Variants in SLC66A2 observed in about 807,000 individuals in gnomAD.
The protein encoded by SLC66A2 is PQ loop repeat containing 1.
SLC66A2 carries 23 observed loss-of-function variants against 25.5 expected under a neutral mutation model. That is an observed-to-expected ratio of 0.90 (90% CI 0.65 to 1.28). SLC66A2 has a LOEUF of 1.28. SLC66A2 is among the 50% of genes most tolerant of loss of function. The probability of loss-of-function intolerance (pLI) is 0.00; values close to 1 mark genes in which losing one functional copy is unlikely to be tolerated. For synonymous variants in SLC66A2, 193 were observed against 166.5 expected (o/e 1.16, Z -1.23); for missense variants, 396 against 373.1 (o/e 1.06, Z -0.51).
chr18:79,915,533 C>G (rs1983878884), intron 5 of SLC66A2: 1 of 152,272 alleles, frequency 6.6e-6, no homozygotes, highest in African/African-American at 2.4e-5. Flanking sequence ...GCAGAGACTG[C>G]TCCATCTCCC....
chr18:79,913,607 G>A (rs578091563), intron 5 of SLC66A2, among the ~76,000 whole-genome samples: 17 of 152,334 alleles, frequency 1.1e-4, no homozygotes, highest in African/African-American at 3.6e-4. Flanking sequence ...GTGCATGCGC[G>A]CACGCGCGCA....
chr18:79,911,232 T>C (rs1796431413), intron 5 of SLC66A2, among the ~76,000 whole-genome samples: 2 of 152,242 alleles, frequency 1.3e-5, no homozygotes, highest in Admixed American at 1.3e-4. Flanking sequence ...TGGTTAGCCC[T>C]GAGGGGCCAG....
At chr18:79,908,072 A>G (rs751692789) in intron 5 of SLC66A2, among the ~76,000 whole-genome samples, 17 of 152,192 alleles carry the variant, frequency 1.1e-4, no homozygotes, top group Non-Finnish European at 1.6e-4. Context: ...CCCACCAGAC[A>G]ATGTTATATT....
At chr18:79,922,683 C>T (rs955732599) in intron 4 of SLC66A2, among the ~76,000 whole-genome samples, 5 of 151,814 alleles carry the variant, frequency 3.3e-5, no homozygotes, top group South Asian at 2.1e-4. Context: ...AAAAGGTGAA[C>T]GGAGACAAAC....
At chr18:79,948,003 A>AGAAG in intron 2 of SLC66A2, among the ~76,000 whole-genome samples, 1 of 151,598 alleles carries the variant, frequency 6.6e-6, no homozygotes, top group African/African-American at 2.4e-5. Context: ...CCCAGCAGGA[A>AGAAG]CGAGCGCCCT....
rs566674335 is a variant in SLC66A2 at position 79,927,831 on chromosome 18, C to T, written c.391+6138G>A. Among the ~76,000 whole-genome samples, 15 of 152,344 alleles carry T rather than the reference C, an allele frequency of 9.8e-5. 1 individual carries two copies. The South Asian group carries it at 3.1e-3, about 32-fold the overall frequency. ...CCGAGACAGGTGTCCGCGTCCCAAC[C>T]CAAGGCTGCCCAGACAGACAAGCGC... On this transcript the variant is annotated intron_variant, in intron 4 of 5. Transcript: ENST00000397778. This position sits in a 1 kb window ranked among gnomAD's most constrained non-coding sequence, Gnocchi z 6.2.
At chr18:79,928,372 G>A (rs779775442) in intron 4 of SLC66A2, among the ~76,000 whole-genome samples, 24 of 152,310 alleles carry the variant, frequency 1.6e-4, no homozygotes, top group African/African-American at 3.8e-4. Context: ...ACTCAAGAGC[G>A]TTGCTCTGCC....
In SLC66A2 at chr18:79,915,824, C is replaced by T. The variant is rs529678430; in HGVS notation, c.608+3360G>A. The T allele has an allele frequency of 1.2e-4, 18 of 152,630 alleles. No individual in the cohort carries two copies. In the South Asian group the frequency reaches 2.4e-3, roughly 21 times the overall value. 9.5% of individuals were successfully genotyped at this position (152,630 alleles called of 1,614,324 possible). A position where few individuals can be genotyped will look rare whatever the true frequency, so the allele number is the denominator to read the frequency against. On this transcript the variant is annotated intron_variant, in intron 5 of 5. Coordinates refer to ENST00000397778, the MANE Select transcript of SLC66A2 (RefSeq NM_025078.5). ...GATCCCTGAGACACGTTCCAAGTTC[C>T]GCAGCCAAGGAGAAGTATGCAGGCA...
chr18:79,949,817 C>T (rs2051057043), intron 2 of SLC66A2: 1 of 152,240 alleles, frequency 6.6e-6, no homozygotes, highest in African/African-American at 2.4e-5. Flanking sequence ...CAGACACCTT[C>T]CAATCTGCCC....
intron 4 of SLC66A2, among the ~76,000 whole-genome samples, chr18:79,925,610 C>T (rs1019686697): frequency 1.3e-5 from 2 of 152,244 alleles, no homozygotes; most frequent in Non-Finnish European, 2.9e-5. Flanking sequence ...TTCCAGCACC[C>T]CCCATGGGGA....
At chr18:79,916,528 G>A (rs114364296) in intron 5 of SLC66A2, among the ~76,000 whole-genome samples, 200 of 152,302 alleles carry the variant, frequency 1.3e-3, no homozygotes, top group African/African-American at 4.7e-3. Context: ...GGTTCACGTC[G>A]CACCCTTAGG....
intron 3 of SLC66A2, among the ~76,000 whole-genome samples, chr18:79,938,102 C>G (rs555149146): frequency 2.0e-5 from 3 of 149,616 alleles, no homozygotes; most frequent in Non-Finnish European, 4.4e-5. Context: ...GCTTTGATAA[C>G]ACCACTGCAC....
chr18:79,951,130 G>A (rs952998522), intron 1 of SLC66A2, 105 bp from the exon 2 acceptor site: 3 of 268,656 alleles, frequency 1.1e-5, no homozygotes, highest in Non-Finnish European at 1.4e-5. Context: ...GCAGAGCGGG[G>A]GCGACCGGGG....
intron 5 of SLC66A2, among the ~76,000 whole-genome samples, chr18:79,912,770 T>C (rs1983432247): frequency 6.6e-6 from 1 of 152,216 alleles, no homozygotes; most frequent in Non-Finnish European, 1.5e-5. Flanking sequence ...GGTCACACTT[T>C]GTAATGTTCC....
chr18:79,930,613 A>C (rs1055060389), intron 4 of SLC66A2, among the ~76,000 whole-genome samples: 10 of 152,338 alleles, frequency 6.6e-5, no homozygotes, highest in African/African-American at 2.2e-4. Flanking sequence ...GCATGAAACA[A>C]TATGCATTGT....
Position 79,949,091 on chromosome 18 carries a change from G to A in SLC66A2, c.203+1633C>T, listed in dbSNP as rs33999965. Reference sequence around the variant, plus strand: ...GGACTCGGACCCAAAATCCTCCTCCGAGGTCGTTGCAGGGGACAAACCTCC... The same window carrying A: ...GGACTCGGACCCAAAATCCTCCTCCAAGGTCGTTGCAGGGGACAAACCTCC... On this transcript the variant is annotated intron_variant, in intron 2 of 5. Transcript: ENST00000397778. Among the ~76,000 whole-genome samples the A allele has an allele frequency of 4.1e-3, 631 of 152,228 alleles. 24 individuals carry two copies. Among genetic ancestry groups the A allele is most frequent in the Admixed American group, 0.038 (575 of 15,284 alleles).
chr18:79,926,233 T>C (rs1985933720), intron 4 of SLC66A2, among the ~76,000 whole-genome samples: 1 of 152,218 alleles, frequency 6.6e-6, no homozygotes, highest in Admixed American at 6.5e-5. Flanking sequence ...GAAGTAGCCA[T>C]TCTCTTATTC....
intron 5 of SLC66A2, chr18:79,916,092 GCTCTCATACCCGCAGTGCTCCCGT>G: frequency 5.3e-6 from 1 of 188,346 alleles, no homozygotes; most frequent in African/African-American, 2.8e-5. Flanking sequence ...TACCCACGGT[GCTCTCATACCCGCAGTGCTCCCGT>G]ACCCTCCCAT....
Position 79,903,947 on chromosome 18 carries a change from G to A in SLC66A2, c.*29C>T. The A allele has an allele frequency of 6.4e-7, 1 of 1,567,434 alleles. No homozygotes were observed. Among genetic ancestry groups the A allele is most frequent in the Non-Finnish European group, 8.6e-7 (1 of 1,159,006 alleles). ...CAGGGCCCACCAGTGCCCGCGGCTG[G>A]CGGTCCCACATCCTCGTCCTCCCCA... On this transcript the variant is annotated 3_prime_UTR_variant, in exon 6 of 6. Transcript: ENST00000397778.
Sources: allele counts gnomAD v4.1 joint callset (sites outside exome capture counted in the v4.1 genomes callset), GRCh38; gene constraint gnomAD v4.1.1; non-coding constraint Gnocchi (gnomAD v3.1); transcripts MANE v1.5; gene names NCBI Gene and HGNC (gene_info 2026-07-23, HGNC 2026-07-21).